Variants in PSEN1 observed in about 807,000 individuals in gnomAD.
PSEN1 encodes the protein presenilin-1.
A neutral mutation model predicts 53.5 loss-of-function variants in PSEN1; 15 were observed. The observed-to-expected ratio is 0.28, with a 90% CI of 0.19 to 0.43. The LOEUF (loss-of-function observed/expected upper bound fraction) is 0.43. Among genes scored for constraint, PSEN1 ranks in the 20% least tolerant of loss-of-function variants. The pLI is 1.00. For missense variants in PSEN1, 387 were observed against 571.2 expected, an observed-to-expected ratio of 0.68 and a Z score of 3.29; for synonymous variants, 208 against 209.8, an observed-to-expected ratio of 0.99 and a Z score of 0.08.
rs112549106 is a variant in PSEN1, at chr14:73,161,141, A to G, written c.88-9656A>G. 5.3e-3 allele frequency among the ~76,000 whole-genome samples: 797 copies of G among 150,930 alleles called. 5 individuals are homozygous for G. The highest frequency in any genetic ancestry group is 0.019 in the African/African-American group (777 of 41,134). ...AGGCACTCGCCACCATACCCACCTAATTTTTGTATTTTTTGTAGAGACGGA... is the reference window on the plus strand; with the variant it reads ...AGGCACTCGCCACCATACCCACCTAGTTTTTGTATTTTTTGTAGAGACGGA... On this transcript the variant is annotated intron_variant, in intron 3 of 11. Transcript: ENST00000324501.
In PSEN1 at chr14:73,198,126, TC is replaced by T. The variant is rs1566645647; in HGVS notation, c.867del (p.Ser290GlnfsTer7). The T allele has an allele frequency of 6.3e-7, 1 of 1,579,778 alleles. No individual in the cohort carries two copies. Among genetic ancestry groups the T allele is most frequent in the Non-Finnish European group, 8.7e-7 (1 of 1,149,546 alleles). ...AACGCTTTTTCCAGCTCTCATTTAC[TC>T]CTGTAAGTATTTGAGAAGGATATTG... ...NETLFPALIY[S>X]STMVWLVNMA... is the part of the protein sequence containing the mutation. On this transcript the variant is annotated frameshift_variant and splice_region_variant, in exon 8 of 12. Coordinates refer to ENST00000324501, the MANE Select transcript of PSEN1 (RefSeq NM_000021.4). LOFTEE classifies it high-confidence loss of function.
chr14:73,152,372 A>T (rs2140518660), intron 3 of PSEN1, among the ~76,000 whole-genome samples: 1 of 149,744 alleles, frequency 6.7e-6, no homozygotes, highest in South Asian at 2.2e-4. Context: ...GCACTTTGGG[A>T]GGCCGAGGCA....
In PSEN1 at chr14:73,147,130, T is replaced by C. The variant is rs993095754; in HGVS notation, c.-135-665T>C. ...CCTCCTGAGTAGCTGGGATTACAGATGCGCGCCACCACACCCGGCTAATTT... is the reference window on the plus strand; with the variant it reads ...CCTCCTGAGTAGCTGGGATTACAGACGCGCGCCACCACACCCGGCTAATTT... On this transcript the variant is annotated intron_variant, in intron 1 of 11. Transcript: ENST00000324501. Among the ~76,000 whole-genome samples the C allele has an allele frequency of 4.0e-5, 6 of 151,696 alleles. No individual in the cohort carries two copies. The South Asian group carries it at 1.3e-3, about 32-fold the overall frequency.
Position 73,160,847 on chromosome 14 carries a change from G to A in PSEN1, c.88-9950G>A, listed in dbSNP as rs1220857688. Among the ~76,000 whole-genome samples the A allele has an allele frequency of 7.5e-5, 9 of 120,144 alleles. No homozygotes were observed. In the East Asian group the frequency reaches 2.0e-3, roughly 26 times the overall value. The allele number at this position is 120,144 out of a possible 152,430, so 78.8% of individuals were successfully genotyped here. A position where few individuals can be genotyped will look rare whatever the true frequency, so the allele number is the denominator to read the frequency against. The stretch of plus-strand genomic sequence containing the variant: ...TTTTGAGATGGAGTCTCGCTCTGTC[G>A]CCCATCCTGGAATGCAGTGGCGCGA... On this transcript the variant is annotated intron_variant, in intron 3 of 11. Coordinates refer to ENST00000324501, the MANE Select transcript of PSEN1 (RefSeq NM_000021.4).
At chr14:73,197,833 C>T (rs3025785) in intron 7 of PSEN1, 198 bp from the exon 8 acceptor site, 8,439 of 578,908 alleles carry the variant, frequency 0.015, 99 homozygotes, top group South Asian at 0.035. Flanking sequence ...TGTTCTGTGT[C>T]ATTTTATTTT....
In PSEN1 at chr14:73,154,831, A is replaced by C. The variant is rs547412673; in HGVS notation, c.87+6725A>C. 3.3e-4 allele frequency among the ~76,000 whole-genome samples: 50 copies of C among 152,380 alleles called. 1 individual carries two copies. The South Asian group carries it at 9.9e-3, about 30-fold the overall frequency. ...AAAGCCTAGTTGATCAGCCTTACTA[A>C]TAGGGATAAAAATTAAAACTTCACT... On this transcript the variant is annotated intron_variant, in intron 3 of 11. Transcript: ENST00000324501.
chr14:73,196,662 A>G (rs1488127041), intron 7 of PSEN1, among the ~76,000 whole-genome samples: 1 of 150,804 alleles, frequency 6.6e-6, no homozygotes, highest in Non-Finnish European at 1.5e-5. Flanking sequence ...TTTGGTAGAG[A>G]CGGGGTTTTG....
intron 3 of PSEN1, among the ~76,000 whole-genome samples, chr14:73,151,894 ATTTTTTTTTTTTTTTTTT>A (rs56754992): frequency 9.0e-4 from 35 of 38,980 alleles, no homozygotes; most frequent in Admixed American, 5.0e-4. Context: ...ATATATATAT[ATTTTTTTTTTTTTTTTTT>A]TTTTTTTTTT....
At chr14:73,199,454 C>T (rs1193541396) in intron 8 of PSEN1, among the ~76,000 whole-genome samples, 1 of 152,186 alleles carries the variant, frequency 6.6e-6, no homozygotes, top group Non-Finnish European at 1.5e-5. Context: ...TTTTTGATGT[C>T]AGCACATGAA....
chr14:73,192,937 A>G (rs1898786173), intron 7 of PSEN1, 73 bp downstream of exon 7: 2 of 1,166,832 alleles, frequency 1.7e-6, no homozygotes, highest in African/African-American at 3.0e-5. Context: ...TCATCTCTTT[A>G]TCTTGATTTA....
chr14:73,197,283 G>A (rs554628070), intron 7 of PSEN1, among the ~76,000 whole-genome samples: 2 of 152,216 alleles, frequency 1.3e-5, no homozygotes, highest in East Asian at 1.9e-4. Context: ...GCAGTTGATC[G>A]AAAGAAATGG....
At chr14:73,197,505 C>T (rs1346328646) in intron 7 of PSEN1, among the ~76,000 whole-genome samples, 2 of 152,124 alleles carry the variant, frequency 1.3e-5, no homozygotes, top group African/African-American at 2.4e-5. Context: ...CTCAGTAGTA[C>T]GTAATACTGC....
intron 5 of PSEN1, among the ~76,000 whole-genome samples, chr14:73,182,942 A>G (rs1221791386): frequency 6.6e-6 from 1 of 152,144 alleles, no homozygotes; most frequent in Non-Finnish European, 1.5e-5. Flanking sequence ...AATGATGAGA[A>G]TTTCAATTAT....
chr14:73,184,761 C>T (rs1238934081), intron 5 of PSEN1, among the ~76,000 whole-genome samples: 3 of 151,650 alleles, frequency 2.0e-5, no homozygotes, highest in Admixed American at 6.6e-5. Flanking sequence ...CCCCACCTCC[C>T]TCCCGGACGG....
At chr14:73,171,866 G>A (rs769758013) in intron 4 of PSEN1, among the ~76,000 whole-genome samples, 1 of 152,188 alleles carries the variant, frequency 6.6e-6, no homozygotes, top group Non-Finnish European at 1.5e-5. Context: ...TGGCTTAAAT[G>A]TTAAATCCTC....
chr14:73,142,623 T>C (rs1338318611), intron 1 of PSEN1, among the ~76,000 whole-genome samples: 1 of 152,262 alleles, frequency 6.6e-6, no homozygotes, highest in Non-Finnish European at 1.5e-5. Flanking sequence ...TGGTACTTTC[T>C]TGAATTACAT....
At chr14:73,177,457 G>A (rs895678727) in intron 5 of PSEN1, among the ~76,000 whole-genome samples, 4 of 152,174 alleles carry the variant, frequency 2.6e-5, no homozygotes, top group Admixed American at 1.3e-4. Context: ...AGGCAAGAGT[G>A]CTAGGATTAC....
chr14:73,145,595 C>T (rs2140502727), intron 1 of PSEN1, among the ~76,000 whole-genome samples: 1 of 152,178 alleles, frequency 6.6e-6, no homozygotes, highest in South Asian at 2.1e-4. Flanking sequence ...CCATCTCAGC[C>T]TCCCACAGTG....
At chr14:73,217,804 T>TTG (rs1018588328) in intron 11 of PSEN1, among the ~76,000 whole-genome samples, 1 of 150,594 alleles carries the variant, frequency 6.6e-6, no homozygotes, top group African/African-American at 2.5e-5. Flanking sequence ...GATTTTTTTT[T>TTG]TTTTTTTTTT....
Sources: gnomAD v4.1 joint callset for allele counts (sites outside exome capture counted in the v4.1 genomes callset) on GRCh38, gnomAD v4.1.1 for gene constraint, MANE v1.5 for transcripts, NCBI Gene and HGNC (gene_info 2026-07-23, HGNC 2026-07-21) for gene names.